FIRRM: variants seen among roughly 807,000 people sequenced by gnomAD.
FIRRM encodes FIGNL1 interacting regulator of recombination and mitosis, also known as FIGNL1-interacting regulator of recombination and mitosis.
At chr1:169,785,632 C>A in the FIRRM span, among the ~76,000 whole-genome samples, 1 of 152,088 alleles carries the variant, frequency 6.6e-6, no homozygotes, top group Non-Finnish European at 1.5e-5. Context: ...TGCTGTTCTG[C>A]CGTTCATCTG....
At chr1:169,789,129 C>T in the FIRRM span, among the ~76,000 whole-genome samples, 1 of 152,076 alleles carries the variant, frequency 6.6e-6, no homozygotes, top group African/African-American at 2.4e-5. Flanking sequence ...GTACTTTTAC[C>T]CAAAGAAAAT....
the FIRRM span, chr1:169,792,888 A>G: frequency 6.2e-7 from 1 of 1,614,064 alleles, no homozygotes; most frequent in South Asian, 1.1e-5. Context: ...AACTCAGACC[A>G]CTCACCAGAA....
chr1:169,827,051 CA>C, the FIRRM span: 1 of 1,609,412 alleles, frequency 6.2e-7, no homozygotes, highest in South Asian at 1.1e-5. Context: ...CCCTTCCCAG[CA>C]AGTTTCCTCC....
chr1:169,785,949 A>G, the FIRRM span, among the ~76,000 whole-genome samples: 1 of 152,248 alleles, frequency 6.6e-6, no homozygotes, highest in Non-Finnish European at 1.5e-5. Context: ...ATCATGTAAA[A>G]TATCTATACG....
chr1:169,843,520 A>C, the FIRRM span, among the ~76,000 whole-genome samples: 1 of 152,208 alleles, frequency 6.6e-6, no homozygotes, highest in African/African-American at 2.4e-5. Flanking sequence ...AATAATATCT[A>C]CCTCATAGAG....
chr1:169,828,590 C>T, the FIRRM span, among the ~76,000 whole-genome samples: 1 of 151,920 alleles, frequency 6.6e-6, no homozygotes, highest in Non-Finnish European at 1.5e-5. Context: ...GCTCTGTCAC[C>T]CAGGCTGGAG....
the FIRRM span, chr1:169,795,045 G>C: frequency 5.1e-6 from 7 of 1,381,198 alleles, no homozygotes; most frequent in African/African-American, 4.3e-5. Flanking sequence ...GCGGGACTGC[G>C]AGTTTCCGGT....
chr1:169,797,838 G>T, the FIRRM span, among the ~76,000 whole-genome samples: 3 of 152,106 alleles, frequency 2.0e-5, no homozygotes, highest in African/African-American at 4.8e-5. Flanking sequence ...CACCGTGCCC[G>T]GCCGGGTTAT....
the FIRRM span, chr1:169,832,280 C>A: frequency 1.8e-6 from 1 of 554,578 alleles, no homozygotes; most frequent in Non-Finnish European, 3.2e-6. Context: ...AGAAAAGCCC[C>A]AAATTAAAAG....
the FIRRM span, chr1:169,847,823 T>A: frequency 6.8e-7 from 1 of 1,473,488 alleles, no homozygotes; most frequent in Non-Finnish European, 9.5e-7. Flanking sequence ...CTTAACTCTG[T>A]TCTTGTATTA....
chr1:169,809,157 T>C, the FIRRM span, among the ~76,000 whole-genome samples: 1 of 152,158 alleles, frequency 6.6e-6, no homozygotes, highest in Non-Finnish European at 1.5e-5. Context: ...GTTCTGAAGG[T>C]AGTAAGAAGG....
At chr1:169,796,274 A>G in the FIRRM span, among the ~76,000 whole-genome samples, 1 of 152,214 alleles carries the variant, frequency 6.6e-6, no homozygotes, top group East Asian at 1.9e-4. Context: ...AAACACTTAA[A>G]CTGCGTGCAT....
chr1:169,847,313 TAAAAAAAA>T, the FIRRM span, among the ~76,000 whole-genome samples: 4 of 86,334 alleles, frequency 4.6e-5, no homozygotes, highest in East Asian at 3.8e-4. Context: ...CTTATATTTC[TAAAAAAAA>T]AAAAAAAAAA....
chr1:169,812,565 A>G, the FIRRM span, among the ~76,000 whole-genome samples: 1 of 152,192 alleles, frequency 6.6e-6, no homozygotes, highest in African/African-American at 2.4e-5. Flanking sequence ...CATCTTCAAA[A>G]TAATCGAAAA....
chr1:169,804,006 G>A, the FIRRM span: 18 of 1,019,332 alleles, frequency 1.8e-5, no homozygotes, highest in Non-Finnish European at 2.4e-5. Flanking sequence ...CTAATAGTAT[G>A]AATTAAAGTA....
At chr1:169,793,768 A>G in the FIRRM span, 2 of 1,371,278 alleles carry the variant, frequency 1.5e-6, no homozygotes, top group Non-Finnish European at 2.0e-6. Context: ...GATACACACA[A>G]ATCTGCCTCA....
At chr1:169,783,867 G>T in the FIRRM span, 1 of 152,298 alleles carries the variant, frequency 6.6e-6, no homozygotes, top group South Asian at 2.1e-4. Flanking sequence ...TTCACTGCAG[G>T]TTTGAACTTC....
At chr1:169,825,689 G>A in the FIRRM span, among the ~76,000 whole-genome samples, 1 of 152,176 alleles carries the variant, frequency 6.6e-6, no homozygotes, top group Non-Finnish European at 1.5e-5. Context: ...CACAAATGAT[G>A]AAACTGAGTC....
chr1:169,794,196 C>G, the FIRRM span, among the ~76,000 whole-genome samples: 4 of 152,226 alleles, frequency 2.6e-5, no homozygotes, highest in Non-Finnish European at 4.4e-5. Context: ...ACAGGACAGC[C>G]TAGCTACTTG....
Sources: allele counts gnomAD v4.1 joint callset (sites outside exome capture counted in the v4.1 genomes callset), GRCh38; gene constraint gnomAD v4.1.1; transcripts MANE v1.5; gene names NCBI Gene and HGNC (gene_info 2026-07-23, HGNC 2026-07-21).